MCF2L: variants seen among roughly 807,000 people sequenced by gnomAD.
The protein encoded by MCF2L is MCF.2 cell line derived transforming sequence like, also known as guanine nucleotide exchange factor DBS.
In MCF2L, 97 loss-of-function variants were observed where a neutral mutation model predicts 153.4. The observed-to-expected ratio is 0.63, with a 90% CI of 0.54 to 0.75. MCF2L has a LOEUF of 0.75. MCF2L is among the 30% of genes least tolerant of loss of function. MCF2L has a pLI of 0.00. For synonymous variants in MCF2L, 659 were observed against 632.2 expected (o/e 1.04, Z -0.64); for missense variants, 1,347 against 1,495.2 (o/e 0.90, Z 1.64).
chr13:113,020,649 A>G (rs906475092), intron 2 of MCF2L, among the ~76,000 whole-genome samples: 2 of 152,132 alleles, frequency 1.3e-5, no homozygotes, highest in African/African-American at 4.8e-5. Flanking sequence ...CATTCACGGG[A>G]GCCCCACTCC....
At chr13:112,912,796 A>G (rs1254743629) in intron 2 of MCF2L, among the ~76,000 whole-genome samples, 1 of 148,032 alleles carries the variant, frequency 6.8e-6, no homozygotes, top group Non-Finnish European at 1.5e-5. Flanking sequence ...TCTGTGGTGT[A>G]TCTCTGTGTG....
At chr13:113,032,124 A>G (rs1358381579) in intron 3 of MCF2L, among the ~76,000 whole-genome samples, 1 of 152,150 alleles carries the variant, frequency 6.6e-6, no homozygotes, top group Non-Finnish European at 1.5e-5. Flanking sequence ...GAGTCCTCCT[A>G]TCTCACTGAT....
chr13:112,915,558 T>A (rs2081283606), intron 2 of MCF2L, among the ~76,000 whole-genome samples: 1 of 152,110 alleles, frequency 6.6e-6, no homozygotes, highest in African/African-American at 2.4e-5. Context: ...CACCCACTAC[T>A]TTAATTACTA....
intron 2 of MCF2L, chr13:112,917,069 C>T (rs557543538): frequency 7.6e-5 from 36 of 471,218 alleles, no homozygotes; most frequent in Admixed American, 4.0e-4. Flanking sequence ...AAGGTGCTGT[C>T]GTTTCTCCTG....
intron 2 of MCF2L, 67 bp from the exon 3 acceptor site, chr13:113,024,577 C>T (rs552384181): frequency 2.4e-5 from 23 of 973,304 alleles, no homozygotes; most frequent in South Asian, 9.3e-5. Flanking sequence ...GAAAACGGGC[C>T]GACATCTGTG....
intron 4 of MCF2L, chr13:113,047,310 A>C (rs2086877483): frequency 6.6e-6 from 1 of 152,238 alleles, no homozygotes; most frequent in Non-Finnish European, 1.5e-5. Context: ...GAAATGCAGA[A>C]AGTTCTTTAG....
At chr13:113,001,760 C>G in intron 1 of MCF2L, 1 of 1,369,698 alleles carries the variant, frequency 7.3e-7, no homozygotes, top group East Asian at 3.0e-5. Context: ...GGCTGGCTGC[C>G]CTGCAGAGGC....
chr13:112,909,177 C>T (rs1484893841), intron 2 of MCF2L: 15 of 776,696 alleles, frequency 1.9e-5, no homozygotes, highest in South Asian at 1.3e-4. Context: ...CTGGCAAAAA[C>T]ACTGCCTGTT....
At chr13:112,917,430 C>G (rs2081305560) in intron 2 of MCF2L, 2 of 336,628 alleles carry the variant, frequency 5.9e-6, no homozygotes, top group South Asian at 4.6e-5. Flanking sequence ...TCCAGCCAGG[C>G]TACCGCCCTG....
chr13:113,048,488 C>T (rs1197802899), intron 4 of MCF2L, among the ~76,000 whole-genome samples: 2 of 140,890 alleles, frequency 1.4e-5, no homozygotes, highest in Non-Finnish European at 3.1e-5. Context: ...TCGCCCAGGC[C>T]GGACTGCAGT....
chr13:113,085,188 G>T lies in MCF2L; in HGVS notation c.2247+10G>T, dbSNP rs201339908. On this transcript the variant is annotated intron_variant, in intron 20 of 29. Coordinates refer to ENST00000535094, the MANE Select transcript of MCF2L (RefSeq NM_001112732.3). ...CCAGCTGCTGCTCAAGGTGGGCTCC[G>T]CGGTGACCGTGGCCCGGCCTCCCCA... 1.2e-6 allele frequency: 2 copies of T among 1,612,124 alleles called. No homozygotes were observed. Among genetic ancestry groups the T allele is most frequent in the African/African-American group, 1.3e-5 (1 of 74,910 alleles).
Position 112,960,287 on chromosome 13 carries a change from G to A in MCF2L, c.170-54476G>A, listed in dbSNP as rs937636445. 6.6e-6 allele frequency among the ~76,000 whole-genome samples: 1 copy of A among 152,042 alleles called. No individual in the cohort carries two copies. Among genetic ancestry groups the A allele is most frequent in the African/African-American group, 2.4e-5 (1 of 41,438 alleles). ...CGGTGAGAGAGCGGAGAGACCGAGA[G>A]GGGGCCAAGCGCGCTCTCACAACTG... On this transcript the variant is annotated intron_variant, in intron 2 of 29. Transcript: ENST00000375608. This position sits in a 1 kb window ranked among gnomAD's most constrained non-coding sequence, Gnocchi z 4.2.
chr13:113,017,641 G>C (rs2084615318), intron 2 of MCF2L, among the ~76,000 whole-genome samples: 1 of 152,110 alleles, frequency 6.6e-6, no homozygotes, highest in Non-Finnish European at 1.5e-5. Flanking sequence ...CCTCAAGGGG[G>C]CTCCCCTCCC....
chr13:113,004,138 C>T (rs1199982178), intron 1 of MCF2L, among the ~76,000 whole-genome samples: 1 of 152,188 alleles, frequency 6.6e-6, no homozygotes, highest in African/African-American at 2.4e-5. Flanking sequence ...CTCCCCCCGG[C>T]CCAGCGAGTA....
intron 3 of MCF2L, among the ~76,000 whole-genome samples, chr13:113,041,771 G>C (rs923432749): frequency 6.6e-6 from 1 of 152,196 alleles, no homozygotes; most frequent in Non-Finnish European, 1.5e-5. Context: ...AGGGGGCAAG[G>C]TCGTGGTGGG....
intron 3 of MCF2L, among the ~76,000 whole-genome samples, chr13:113,037,674 G>A (rs2086235201): frequency 6.6e-6 from 1 of 152,204 alleles, no homozygotes; most frequent in South Asian, 2.1e-4. Flanking sequence ...AGAGGCTGCA[G>A]AGGCAGCCAG....
intron 2 of MCF2L, among the ~76,000 whole-genome samples, chr13:112,921,929 TA>T (rs2081356919): frequency 1.3e-5 from 2 of 151,514 alleles, no homozygotes; most frequent in South Asian, 4.2e-4. Flanking sequence ...AATACCTACA[TA>T]AAAATGGTAG....
At chr13:112,947,206 G>A (rs538765423) in intron 2 of MCF2L, among the ~76,000 whole-genome samples, 2 of 152,306 alleles carry the variant, frequency 1.3e-5, no homozygotes, top group African/African-American at 4.8e-5. Flanking sequence ...GACCCCGCCT[G>A]TTCACAGCAT....
intron 4 of MCF2L, among the ~76,000 whole-genome samples, chr13:113,058,603 G>T (rs2030729482): frequency 1.3e-5 from 2 of 150,990 alleles, no homozygotes; most frequent in Non-Finnish European, 2.9e-5. Context: ...TTTGGGTGCT[G>T]AGTGTTTAGT....
Sources: allele counts gnomAD v4.1 joint callset (sites outside exome capture counted in the v4.1 genomes callset), GRCh38; gene constraint gnomAD v4.1.1; non-coding constraint Gnocchi (gnomAD v3.1); transcripts MANE v1.5; gene names NCBI Gene and HGNC (gene_info 2026-07-23, HGNC 2026-07-21).